Variants in VPS53 observed in about 807,000 individuals in gnomAD.
VPS53 encodes the protein VPS53 subunit of GARP complex, also known as vacuolar protein sorting-associated protein 53 homolog.
Under a neutral mutation model 107.0 loss-of-function variants are expected in VPS53, and 70 were observed. The ratio of observed to expected loss-of-function variants is 0.65; its 90% CI spans 0.54 to 0.80. The LOEUF is 0.80. Ranked by LOEUF, VPS53 falls within the 30% of genes least tolerant of loss-of-function variation. The pLI is 0.00. For synonymous variants in VPS53, 409 were observed against 393.3 expected (o/e 1.04, Z -0.47); for missense variants, 917 against 1,049.4 (o/e 0.87, Z 1.74).
At chr17:583,378 C>A (rs187183817) in intron 13 of VPS53, among the ~76,000 whole-genome samples, 2 of 139,058 alleles carry the variant, frequency 1.4e-5, no homozygotes, top group Non-Finnish European at 3.1e-5. Context: ...CCTTCCCTCA[C>A]GACCTAATGC....
At chr17:661,173 T>A (rs1214371748) in intron 5 of VPS53, among the ~76,000 whole-genome samples, 1 of 150,978 alleles carries the variant, frequency 6.6e-6, no homozygotes, top group African/African-American at 2.4e-5. Context: ...TACCAAGAAA[T>A]GTTAGAGAAA....
intron 5 of VPS53, chr17:656,682 G>T: frequency 1.7e-6 from 1 of 589,498 alleles, no homozygotes; most frequent in Non-Finnish European, 2.9e-6. Context: ...GTGTTTCTTG[G>T]TCCATGCTGA....
chr17:623,487 C>G, intron 11 of VPS53, 46 bp downstream of exon 11: 1 of 1,582,814 alleles, frequency 6.3e-7, no homozygotes, highest in Non-Finnish European at 8.6e-7. Context: ...ATCCCAACCA[C>G]CCAACCCACT....
chr17:554,407 T>C (rs1912147744), intron 15 of VPS53, among the ~76,000 whole-genome samples: 1 of 152,184 alleles, frequency 6.6e-6, no homozygotes. Context: ...GCTAATGTTT[T>C]GGCCTTTTTT....
chr17:634,957 T>A (rs1970130248), intron 7 of VPS53, among the ~76,000 whole-genome samples: 1 of 152,134 alleles, frequency 6.6e-6, no homozygotes, highest in Admixed American at 6.5e-5. Context: ...TCTAGATCCT[T>A]GAGGAATCGC....
intron 2 of VPS53, among the ~76,000 whole-genome samples, chr17:709,244 G>A (rs1973543509): frequency 7.0e-6 from 1 of 142,366 alleles, no homozygotes; most frequent in South Asian, 2.2e-4. Context: ...CACGGAACCT[G>A]CCTGGTATCA....
chr17:645,449 G>A (rs1970646818), intron 7 of VPS53, among the ~76,000 whole-genome samples: 2 of 152,082 alleles, frequency 1.3e-5, no homozygotes, highest in Admixed American at 1.3e-4. Flanking sequence ...TTCCCATTCT[G>A]TGCATTGCCA....
intron 19 of VPS53, 77 bp from the exon 20 acceptor site, chr17:521,815 G>A: frequency 7.4e-7 from 1 of 1,355,414 alleles, no homozygotes; most frequent in Non-Finnish European, 9.6e-7. Flanking sequence ...GATGAGTCAT[G>A]TTTTTCTCGT....
intron 1 of VPS53, among the ~76,000 whole-genome samples, chr17:712,620 A>G (rs1324308225): frequency 6.6e-6 from 1 of 152,234 alleles, no homozygotes; most frequent in Admixed American, 6.5e-5. Context: ...TGCTAAAGTA[A>G]GAAAAAATTC....
In VPS53 at chr17:515,494, G is replaced by C. The variant is rs564679673; in HGVS notation, c.*3634C>G. Reference sequence around the variant, plus strand: ...GATCCACCTGCCTCGGCCTCCCAAAGTGCTGGGATTACCAGTGTGAGCCAC... The same window carrying C: ...GATCCACCTGCCTCGGCCTCCCAAACTGCTGGGATTACCAGTGTGAGCCAC... On this transcript the variant is annotated 3_prime_UTR_variant, in exon 22 of 22. Transcript: ENST00000437048. 1 of 152,044 alleles carries C rather than the reference G, an allele frequency of 6.6e-6. No individual in the cohort carries two copies. The highest frequency in any genetic ancestry group is 1.5e-5 in the Non-Finnish European group (1 of 68,060). 9.4% of individuals were successfully genotyped at this position (152,044 alleles called of 1,614,324 possible). A position where few individuals can be genotyped will look rare whatever the true frequency, so the allele number is the denominator to read the frequency against.
At chr17:632,861 C>T (rs1970021255) in intron 7 of VPS53, 5 of 429,718 alleles carry the variant, frequency 1.2e-5, no homozygotes, top group African/African-American at 6.1e-5. Flanking sequence ...CAGAAACCAA[C>T]AAGCTCGTTA....
chr17:540,128 G>C (rs1366260571), intron 17 of VPS53, among the ~76,000 whole-genome samples: 1 of 121,532 alleles, frequency 8.2e-6, no homozygotes, highest in Non-Finnish European at 1.6e-5. Context: ...CTTCGTTAAA[G>C]GTAAGGCCTG....
rs2151797092 is a variant in VPS53, at chr17:524,585, CA to C, written c.2086-2848del. On this transcript the variant is annotated intron_variant, in intron 19 of 21. Transcript: ENST00000437048. The surrounding 1 kb of genome is among the most constrained non-coding windows in gnomAD (Gnocchi z 4.5). ...GCAAACAATACTAACACCGGATTCA[CA>C]AAAGAGGAAACTCAAATGCCCGAAA... Among the ~76,000 whole-genome samples, 1 of 152,240 alleles carries C rather than the reference CA, an allele frequency of 6.6e-6. No individual in the cohort carries two copies. The highest frequency in any genetic ancestry group is 1.9e-4 in the East Asian group (1 of 5,188).
chr17:521,682 G>A lies in VPS53; in HGVS notation c.2142C>T (p.Ser714=). The change falls in exon 20 of 22, where the codon AGC becomes AGT. Residue 714 remains serine (S), a synonymous_variant. Transcript: ENST00000437048. ...CGGGTGCCTTCCTCACCACCTGCGA[G>A]CTGATGGAGGGGAGATCGAGCAGGA... ...KMVLLDLPSI[S]SQVVRKAPAS... 6.4e-7 allele frequency: 1 copy of A among 1,551,054 alleles called. No individual in the cohort carries two copies. Among genetic ancestry groups the A allele is most frequent in the Non-Finnish European group, 8.7e-7 (1 of 1,146,564 alleles).
intron 4 of VPS53, among the ~76,000 whole-genome samples, chr17:662,272 T>C (rs1447588156): frequency 6.6e-6 from 1 of 152,222 alleles, no homozygotes; most frequent in African/African-American, 2.4e-5. Context: ...GGGAAAGCTC[T>C]GGACTTGGAA....
chr17:664,046 G>A (rs1971578924), intron 4 of VPS53, among the ~76,000 whole-genome samples: 1 of 152,128 alleles, frequency 6.6e-6, no homozygotes, highest in East Asian at 1.9e-4. Context: ...CCTGCAGGAT[G>A]AGGAGGTGTG....
chr17:670,827 T>C (rs1597466704), intron 4 of VPS53, among the ~76,000 whole-genome samples: 1 of 152,232 alleles, frequency 6.6e-6, no homozygotes, highest in African/African-American at 2.4e-5. Context: ...AATAAGGTGC[T>C]ATTATTCACG....
At chr17:543,680 C>A (rs890305923) in intron 17 of VPS53, among the ~76,000 whole-genome samples, 3 of 151,162 alleles carry the variant, frequency 2.0e-5, no homozygotes, top group African/African-American at 4.9e-5. Flanking sequence ...TGTATTTCCA[C>A]CAAAACACTC....
At chr17:651,945 G>T (rs1222731657) in intron 7 of VPS53, among the ~76,000 whole-genome samples, 1 of 151,798 alleles carries the variant, frequency 6.6e-6, no homozygotes, top group Non-Finnish European at 1.5e-5. Context: ...AAGAAGGAAA[G>T]AATAAGGTTG....
Sources: gnomAD v4.1 joint callset for allele counts (sites outside exome capture counted in the v4.1 genomes callset) on GRCh38, gnomAD v4.1.1 for gene constraint, Gnocchi (gnomAD v3.1) non-coding constraint, MANE v1.5 for transcripts, NCBI Gene and HGNC (gene_info 2026-07-23, HGNC 2026-07-21) for gene names.